ABCA9: variants seen among roughly 807,000 people sequenced by gnomAD.
The protein encoded by ABCA9 is ATP binding cassette subfamily A member 9.
A neutral mutation model predicts 205.3 loss-of-function variants in ABCA9; 183 were observed. The ratio of observed to expected loss-of-function variants is 0.89; its 90% CI spans 0.79 to 1.01. The LOEUF is 1.01. Ranked by LOEUF, ABCA9 falls within the 50% of genes least tolerant of loss-of-function variation. ABCA9 has a pLI of 0.00. For missense variants in ABCA9, 1,805 were observed against 1,912.4 expected, an observed-to-expected ratio of 0.94 and a Z score of 1.05; for synonymous variants, 651 against 683.3, an observed-to-expected ratio of 0.95 and a Z score of 0.74.
At position 68,989,850 on chromosome 17, in the gene ABCA9, T is replaced by C; in HGVS notation, c.3918A>G (p.Lys1306=). Residue 1306 remains lysine (K), a synonymous_variant, in exon 30 of 39, where the codon AAA becomes AAG. Transcript: ENST00000340001. ...AAAAAGAGACATTTCTTGTGGCAAT[T>C]TTTTTCTTCCTTTTAGAAAAGCAAT... ...KKNCFSKRKK[K]IATRNVSFCV... is the part of the protein sequence containing the mutation. 1.9e-6 allele frequency: 3 copies of C among 1,611,278 alleles called. No individual in the cohort carries two copies. The highest frequency in any genetic ancestry group is 2.5e-6 in the Non-Finnish European group (3 of 1,177,688).
the ABCA9 span, among the ~76,000 whole-genome samples, chr17:69,074,616 G>A: frequency 6.6e-6 from 1 of 152,144 alleles, no homozygotes; most frequent in East Asian, 1.9e-4. Context: ...TTTGATTCCA[G>A]GGTATATATG....
At chr17:69,038,514 A>G (rs1318243529) in intron 6 of ABCA9, among the ~76,000 whole-genome samples, 1 of 152,196 alleles carries the variant, frequency 6.6e-6, no homozygotes, top group Non-Finnish European at 1.5e-5. Context: ...ATAAAGTTCA[A>G]CACCCCTTCA....
the ABCA9 span, among the ~76,000 whole-genome samples, chr17:69,077,920 T>C: frequency 6.6e-6 from 1 of 151,766 alleles, no homozygotes; most frequent in Non-Finnish European, 1.5e-5. Context: ...ATGTGGAAAA[T>C]ATATAGATAC....
intron 6 of ABCA9, chr17:69,042,982 T>C (rs1197093555): frequency 1.9e-5 from 3 of 156,510 alleles, no homozygotes; most frequent in Non-Finnish European, 4.2e-5. Flanking sequence ...CATTGTAATA[T>C]ATAATGAAAT....
intron 11 of ABCA9, 145 bp from the exon 12 acceptor site, chr17:69,028,790 C>T (rs770865919): frequency 6.3e-6 from 3 of 477,606 alleles, no homozygotes; most frequent in Non-Finnish European, 1.1e-5. Context: ...TCTTTTAAAA[C>T]TGTATTTCAA....
chr17:69,078,116 G>A, the ABCA9 span, among the ~76,000 whole-genome samples: 1 of 151,838 alleles, frequency 6.6e-6, no homozygotes, highest in African/African-American at 2.4e-5. Flanking sequence ...TTTTCAAAAG[G>A]TATAATGGAA....
intron 11 of ABCA9, 54 bp from the exon 12 acceptor site, chr17:69,028,699 T>C: frequency 9.3e-7 from 1 of 1,072,692 alleles, no homozygotes; most frequent in South Asian, 1.9e-5. Context: ...AACTTTACAG[T>C]CTCTGAAACT....
At chr17:69,066,579 C>T in the ABCA9 span, among the ~76,000 whole-genome samples, 2 of 149,352 alleles carry the variant, frequency 1.3e-5, no homozygotes, top group East Asian at 2.0e-4. Context: ...GGAGGGGCTG[C>T]GTAAGACGGT....
In ABCA9 at chr17:69,008,204, C is replaced by A. The variant is rs764684566; in HGVS notation, c.3179G>T (p.Gly1060Val). Residue 1060 changes from glycine (G) to valine (V), a missense_variant, in exon 24 of 39, where the codon GGC becomes GTC. By Grantham distance (109) the Gly-to-Val change is moderately radical. Coordinates refer to ENST00000340001, the MANE Select transcript of ABCA9 (RefSeq NM_080283.4). Reference sequence around the variant, plus strand: ...AAACCAGTATGCAGAAGGGTAGAGGCCTGAAATCCGTAGCTGGGAATGAGC... The same window carrying A: ...AAACCAGTATGCAGAAGGGTAGAGGACTGAAATCCGTAGCTGGGAATGAGC... ...KKAHSQLRISGLYPSAYWFGQ... is the reference protein window; with the variant it reads ...KKAHSQLRISVLYPSAYWFGQ... 1 of 1,613,522 alleles carries A rather than the reference C, an allele frequency of 6.2e-7. No homozygotes were observed. The highest frequency in any genetic ancestry group is 1.1e-5 in the South Asian group (1 of 90,918).
At chr17:69,017,569 G>T in intron 21 of ABCA9, 87 bp downstream of exon 21, 1 of 1,418,946 alleles carries the variant, frequency 7.0e-7, no homozygotes, top group Non-Finnish European at 9.6e-7. Context: ...GTGTGAAATT[G>T]GCCTTTCATT....
chr17:69,066,843 A>G, the ABCA9 span, among the ~76,000 whole-genome samples: 1 of 152,162 alleles, frequency 6.6e-6, no homozygotes, highest in Non-Finnish European at 1.5e-5. Flanking sequence ...CATGTCAGGA[A>G]CTCATAAGTC....
At chr17:69,020,667 A>G in intron 18 of ABCA9, 81 bp from the exon 19 acceptor site, 1 of 1,313,376 alleles carries the variant, frequency 7.6e-7, no homozygotes. Context: ...ATTTTCCTAC[A>G]AAGGTGTCAA....
At chr17:68,992,824 AAGG>A (rs1219420528) in intron 27 of ABCA9, 189 bp downstream of exon 27, 159 of 333,540 alleles carry the variant, frequency 4.8e-4, no homozygotes, top group African/African-American at 3.4e-3. Flanking sequence ...AAAAAAAAAA[AAGG>A]GGGGGGGTCC....
intron 25 of ABCA9, among the ~76,000 whole-genome samples, chr17:68,997,697 T>C (rs1411416244): frequency 2.6e-5 from 4 of 151,838 alleles, no homozygotes; most frequent in African/African-American, 9.7e-5. Context: ...AAGAGATTTC[T>C]CATATACCCA....
rs779683420 is a variant in ABCA9, at chr17:69,027,446, G to T, written c.1795C>A (p.Gln599Lys). The part of the protein sequence containing the change: ...ILPHEVEKEV[Q>K]RVVQELEMEN... Reference sequence around the variant, plus strand: ...ATTTCTAATTCCTGTACAACTCGTTGTACCTAATCAAATAAAGAATATTTA... The same window carrying T: ...ATTTCTAATTCCTGTACAACTCGTTTTACCTAATCAAATAAAGAATATTTA... The change falls in exon 14 of 39, where the codon CAA becomes AAA. Residue 599 changes from glutamine (Q) to lysine (K), a missense_variant. Transcript: ENST00000340001. The T allele has an allele frequency of 1.2e-5, 20 of 1,604,098 alleles. No homozygotes were observed. The highest frequency in any genetic ancestry group is 1.7e-5 in the Non-Finnish European group (20 of 1,177,080).
At position 69,026,970 on chromosome 17, in the gene ABCA9, A is replaced by C; in HGVS notation, c.2050+6T>G. 1 of 1,613,726 alleles carries C rather than the reference A, an allele frequency of 6.2e-7. No individual in the cohort carries two copies. The highest frequency in any genetic ancestry group is 8.5e-7 in the Non-Finnish European group (1 of 1,179,858). On this transcript the variant is annotated splice_donor_region_variant and intron_variant, in intron 15 of 38. Transcript: ENST00000340001. ...ATGAAGATACATAAGAGAAACAAAA[A>C]ATTACCCGCCAGAATGTCAGCCTCA...
Position 68,986,190 on chromosome 17 carries a change from T to G in ABCA9, c.4182A>C (p.Lys1394Asn), listed in dbSNP as rs2069233066. The change falls in exon 32 of 39, where the codon AAA becomes AAC. Residue 1394 changes from lysine (K) to asparagine (N), a missense_variant. Lys to Asn is a moderately conservative substitution (Grantham distance 94). Coordinates refer to ENST00000340001, the MANE Select transcript of ABCA9 (RefSeq NM_080283.4). ...EVYAAVKGLR[K>N]GDAMIAITRL... ...GTGTGATGGCGATCATTGCGTCCCC[T>G]TTCCTGAGACCTTTCACGGCAGCGT... 1 of 1,612,632 alleles carries G rather than the reference T, an allele frequency of 6.2e-7. No individual in the cohort carries two copies. The highest frequency in any genetic ancestry group is 1.1e-5 in the South Asian group (1 of 90,748).
At chr17:69,075,528 G>C in the ABCA9 span, among the ~76,000 whole-genome samples, 1 of 152,006 alleles carries the variant, frequency 6.6e-6, no homozygotes, top group Non-Finnish European at 1.5e-5. Context: ...TATTTTGTCT[G>C]TTTGTCAAAG....
At chr17:68,996,246 A>C (rs2069620703) in intron 25 of ABCA9, among the ~76,000 whole-genome samples, 1 of 152,224 alleles carries the variant, frequency 6.6e-6, no homozygotes, top group African/African-American at 2.4e-5. Context: ...TCAATGGCAT[A>C]CAAATCAGGT....
Sources: gnomAD v4.1 joint callset for allele counts (sites outside exome capture counted in the v4.1 genomes callset) on GRCh38, gnomAD v4.1.1 for gene constraint, MANE v1.5 for transcripts, NCBI Gene and HGNC (gene_info 2026-07-23, HGNC 2026-07-21) for gene names.